TENT4B: variants seen among roughly 807,000 people sequenced by gnomAD.
TENT4B encodes PAP associated domain containing 5.
Under a neutral mutation model 75.0 loss-of-function variants are expected in TENT4B, and 10 were observed. That is an observed-to-expected ratio of 0.13 (90% CI 0.08 to 0.23). The LOEUF is 0.23. TENT4B is among the 10% of genes least tolerant of loss of function. TENT4B has a pLI of 1.00. For missense variants in TENT4B, 579 were observed against 893.8 expected (o/e 0.65, Z 4.49); for synonymous variants, 350 against 357.7 (o/e 0.98, Z 0.24).
chr16:50,170,458 A>C (rs1053284372), intron 1 of TENT4B, among the ~76,000 whole-genome samples: 29 of 152,208 alleles, frequency 1.9e-4, no homozygotes, highest in African/African-American at 6.8e-4. Flanking sequence ...CCCCCAATCA[A>C]ATATTTTAAA....
intron 1 of TENT4B, among the ~76,000 whole-genome samples, chr16:50,183,458 T>C (rs947323962): frequency 9.9e-5 from 15 of 152,132 alleles, no homozygotes; most frequent in Non-Finnish European, 2.9e-5. Flanking sequence ...TTGTCATACT[T>C]TGAAGGTTCA....
At chr16:50,181,719 C>G (rs1258574397) in intron 1 of TENT4B, among the ~76,000 whole-genome samples, 2 of 152,042 alleles carry the variant, frequency 1.3e-5, no homozygotes, top group Non-Finnish European at 2.9e-5. Context: ...GCACATGCCT[C>G]TTTATGTACA....
chr16:50,219,602 G>T (rs1256010551), intron 5 of TENT4B, among the ~76,000 whole-genome samples: 2 of 152,060 alleles, frequency 1.3e-5, no homozygotes, highest in Non-Finnish European at 2.9e-5. Flanking sequence ...AGGTCGAAGG[G>T]TATATCCAGA....
At chr16:50,178,336 G>A (rs1322680983) in intron 1 of TENT4B, among the ~76,000 whole-genome samples, 1 of 151,470 alleles carries the variant, frequency 6.6e-6, no homozygotes, top group African/African-American at 2.4e-5. Context: ...GCATATACCT[G>A]TATATGGCTG....
intron 1 of TENT4B, among the ~76,000 whole-genome samples, chr16:50,186,874 T>C (rs1169773673): frequency 6.6e-6 from 1 of 152,156 alleles, no homozygotes; most frequent in Non-Finnish European, 1.5e-5. Context: ...GCCACTGCAC[T>C]CTGCCAATTT....
chr16:50,167,368 T>C (rs1055311974), intron 1 of TENT4B, among the ~76,000 whole-genome samples: 19 of 151,748 alleles, frequency 1.3e-4, no homozygotes, highest in Non-Finnish European at 2.2e-4. Flanking sequence ...TTTGTAGATA[T>C]TTATCGCATG....
In TENT4B at chr16:50,172,518, T is replaced by TC. The variant is rs574638211; in HGVS notation, c.638+18259_638+18260insC. On this transcript the variant is annotated intron_variant, in intron 1 of 11. Transcript: ENST00000561678. Reference sequence around the variant, plus strand: ...TAATAGAATTTATTACTTTTTTTTTTTTTTTTAGCAGTTTTAGGTTTATGG... The same window carrying TC: ...TAATAGAATTTATTACTTTTTTTTTTCTTTTTTAGCAGTTTTAGGTTTATGG... Among the ~76,000 whole-genome samples the TC allele has an allele frequency of 8.0e-4, 121 of 151,744 alleles. 2 individuals are homozygous for TC. The highest frequency in any genetic ancestry group is 2.3e-3 in the African/African-American group (94 of 41,450).
At chr16:50,199,661 AT>A (rs1268973711) in intron 1 of TENT4B, among the ~76,000 whole-genome samples, 1 of 152,218 alleles carries the variant, frequency 6.6e-6, no homozygotes, top group Non-Finnish European at 1.5e-5. Context: ...ACGTAGTAAT[AT>A]GCATTTAGGA....
intron 1 of TENT4B, among the ~76,000 whole-genome samples, chr16:50,156,307 G>C (rs2037898270): frequency 6.6e-6 from 1 of 151,342 alleles, no homozygotes; most frequent in South Asian, 2.1e-4. Context: ...AAGAGTGTCT[G>C]GGTGCTTAGA....
rs1349066276 is a variant in TENT4B, at chr16:50,231,511, T to C, written c.*2183T>C. On this transcript the variant is annotated 3_prime_UTR_variant, in exon 12 of 12. Coordinates refer to ENST00000561678, the MANE Select transcript of TENT4B (RefSeq NM_001365324.3). Reference sequence around the variant, plus strand: ...TCACCCTCATTGTTGAAAGTAAATGTACTCTTAGGGTGCGAATATTAGTGT... The same window carrying C: ...TCACCCTCATTGTTGAAAGTAAATGCACTCTTAGGGTGCGAATATTAGTGT... The C allele has an allele frequency of 1.0e-6, 1 of 985,728 alleles. No individual in the cohort carries two copies. The highest frequency in any genetic ancestry group is 1.7e-5 in the African/African-American group (1 of 57,244). The allele number at this position is 985,728 out of a possible 1,614,324, so 61.1% of individuals were successfully genotyped here. A position where few individuals can be genotyped will look rare whatever the true frequency, so the allele number is the denominator to read the frequency against.
Position 50,227,956 on chromosome 16 carries a change from C to G in TENT4B, c.1918C>G (p.Gln640Glu). 1 of 1,613,994 alleles carries G rather than the reference C, an allele frequency of 6.2e-7. No homozygotes were observed. Among genetic ancestry groups the G allele is most frequent in the Non-Finnish European group, 8.5e-7 (1 of 1,179,902 alleles). ...GTCCTCTCAGGCAGTTGGGAAAATG[C>G]AAAGCACCCAAACCACTAACACATC... ...LESSQAVGKM[Q>E]STQTTNTSNS... Residue 640 changes from glutamine (Q) to glutamate (E), a missense_variant, in exon 11 of 12, where the codon CAA (glutamine) becomes GAA (glutamate). Gln to Glu is a conservative substitution (Grantham distance 29, BLOSUM62 2). Transcript: ENST00000561678.
intron 1 of TENT4B, among the ~76,000 whole-genome samples, chr16:50,179,127 C>G (rs1369237991): frequency 6.6e-6 from 1 of 152,176 alleles, no homozygotes; most frequent in Non-Finnish European, 1.5e-5. Context: ...CTTTGGGAGA[C>G]CGAGGCGGGT....
intron 11 of TENT4B, among the ~76,000 whole-genome samples, chr16:50,228,659 C>CTA (rs1567516233): frequency 6.6e-6 from 1 of 152,190 alleles, no homozygotes; most frequent in Non-Finnish European, 1.5e-5. Context: ...ACTTTACCTA[C>CTA]GCGGCCTTAG....
At chr16:50,174,044 C>G (rs2038256581) in intron 1 of TENT4B, among the ~76,000 whole-genome samples, 4 of 152,010 alleles carry the variant, frequency 2.6e-5, no homozygotes, top group Non-Finnish European at 4.4e-5. Context: ...AGTATCTGTT[C>G]TGATCTTTTG....
chr16:50,163,295 C>T (rs2038035074), intron 1 of TENT4B, among the ~76,000 whole-genome samples: 1 of 151,732 alleles, frequency 6.6e-6, no homozygotes, highest in Admixed American at 6.6e-5. Context: ...TGTCCTTGTT[C>T]TTTGAAGTTA....
chr16:50,229,051 G>A, intron 11 of TENT4B, 101 bp from the exon 12 acceptor site: 1 of 1,537,228 alleles, frequency 6.5e-7, no homozygotes, highest in East Asian at 2.4e-5. Context: ...AATCTAGCCA[G>A]CATATTCCTA....
upstream of TENT4B, among the ~76,000 whole-genome samples, chr16:50,153,183 T>TGGGGGGGGGGGGGGGGG (rs760198722): frequency 4.7e-5 from 1 of 21,136 alleles, no homozygotes; most frequent in African/African-American, 1.9e-4. Flanking sequence ...GGCGGGGCGG[T>TGGGGGGGGGGGGGGGGG]GGGGGGGGGG....
chr16:50,167,581 A>C (rs954661505), intron 1 of TENT4B, among the ~76,000 whole-genome samples: 2 of 151,252 alleles, frequency 1.3e-5, no homozygotes, highest in East Asian at 1.9e-4. Flanking sequence ...AGAATGCTGA[A>C]GATTTACTTG....
intron 1 of TENT4B, among the ~76,000 whole-genome samples, chr16:50,186,422 T>A (rs2038528941): frequency 6.6e-6 from 1 of 152,222 alleles, no homozygotes; most frequent in Non-Finnish European, 1.5e-5. Context: ...ATCACTTTAA[T>A]GTTTTTAGAG....
Sources: gnomAD v4.1 joint callset for allele counts (sites outside exome capture counted in the v4.1 genomes callset) on GRCh38, gnomAD v4.1.1 for gene constraint, MANE v1.5 for transcripts, NCBI Gene and HGNC (gene_info 2026-07-23, HGNC 2026-07-21) for gene names.